EHMT1: variants seen among roughly 807,000 people sequenced by gnomAD.
EHMT1 encodes euchromatic histone lysine methyltransferase 1, also known as histone-lysine N-methyltransferase EHMT1.
Under a neutral mutation model 147.2 loss-of-function variants are expected in EHMT1, and 15 were observed. The observed-to-expected ratio is 0.10, with a 90% CI of 0.07 to 0.16. The LOEUF is 0.16. EHMT1 is among the 10% of genes least tolerant of loss of function. The pLI is 1.00. For synonymous variants in EHMT1, 795 were observed against 709.6 expected, an observed-to-expected ratio of 1.12 and a Z score of -1.91; for missense variants, 1,587 against 1,772.4, an observed-to-expected ratio of 0.90 and a Z score of 1.88.
At chr9:137,812,809 G>C (rs967309857) in intron 19 of EHMT1, among the ~76,000 whole-genome samples, 197 bp from the exon 20 acceptor site, 14 of 152,266 alleles carry the variant, frequency 9.2e-5, no homozygotes, top group African/African-American at 3.4e-4. Flanking sequence ...ATGTGGGAGA[G>C]GAGGAAGGGA....
chr9:137,739,226 C>T (rs574514791), intron 4 of EHMT1, among the ~76,000 whole-genome samples: 51 of 151,892 alleles, frequency 3.4e-4, no homozygotes, highest in African/African-American at 1.0e-3. Context: ...AAAAATTAGC[C>T]GGGCGTGGTG....
intron 25 of EHMT1, among the ~76,000 whole-genome samples, chr9:137,821,800 C>A (rs1283575093): frequency 6.6e-6 from 1 of 152,196 alleles, no homozygotes; most frequent in Non-Finnish European, 1.5e-5. Flanking sequence ...AGTTCATGAA[C>A]ATGGTATATC....
chr9:137,737,041 A>G (rs963122020), intron 4 of EHMT1, among the ~76,000 whole-genome samples: 1 of 152,100 alleles, frequency 6.6e-6, no homozygotes, highest in African/African-American at 2.4e-5. Context: ...TGTCTCTTAA[A>G]AAAAATACAA....
intron 25 of EHMT1, among the ~76,000 whole-genome samples, chr9:137,823,770 C>G (rs1406686464): frequency 6.6e-6 from 1 of 151,738 alleles, no homozygotes; most frequent in Non-Finnish European, 1.5e-5. Context: ...GTTGGCCAGG[C>G]TGGTCTCGAA....
chr9:137,818,438 G>A (rs1388891125), intron 25 of EHMT1, among the ~76,000 whole-genome samples: 1 of 151,234 alleles, frequency 6.6e-6, no homozygotes, highest in Non-Finnish European at 1.5e-5. Flanking sequence ...AGAATCTTGG[G>A]TTGGGGCTTG....
intron 1 of EHMT1, chr9:137,697,312 T>C (rs1943474471): frequency 5.2e-6 from 1 of 193,884 alleles, no homozygotes; most frequent in South Asian, 5.9e-5. Context: ...GAGTTTGAGA[T>C]CCATGTGCCT....
At position 137,711,064 on chromosome 9, in the gene EHMT1, C is replaced by T. The variant is rs370936805; in HGVS notation, c.85+34C>T. The T allele has an allele frequency of 4.1e-5, 64 of 1,562,616 alleles. No homozygotes were observed. The Middle Eastern group carries it at 6.7e-4, about 16-fold the overall frequency. On this transcript the variant is annotated intron_variant, in intron 2 of 26. Transcript: ENST00000460843. ...GGTGTGCACCGAGGGACAGGAGCAG[C>T]GCCTCCCTCCAGACTAGAAAACCTG...
intron 3 of EHMT1, among the ~76,000 whole-genome samples, chr9:137,723,718 T>C (rs1023233403): frequency 6.6e-6 from 1 of 152,258 alleles, no homozygotes; most frequent in African/African-American, 2.4e-5. Context: ...TGGTATTTTT[T>C]TAAAGCCACA....
chr9:137,816,487 G>T (rs906194592), intron 23 of EHMT1: 10 of 313,852 alleles, frequency 3.2e-5, no homozygotes, highest in Non-Finnish European at 5.6e-5. Context: ...CGCTTCTCAG[G>T]CTGCGTGGAC....
At chr9:137,743,049 G>C in intron 4 of EHMT1, 1 of 370,892 alleles carries the variant, frequency 2.7e-6, no homozygotes, top group South Asian at 2.3e-5. Flanking sequence ...CTGGGAGGAG[G>C]AGTCGCTTCA....
intron 1 of EHMT1, among the ~76,000 whole-genome samples, chr9:137,648,633 C>T (rs1407235195): frequency 6.6e-6 from 1 of 152,104 alleles, no homozygotes; most frequent in Admixed American, 6.6e-5. Context: ...CCAGGGCATT[C>T]GAGCACTTGG....
chr9:137,705,477 A>G (rs755720255), intron 1 of EHMT1, among the ~76,000 whole-genome samples: 26 of 152,212 alleles, frequency 1.7e-4, no homozygotes, highest in Admixed American at 1.0e-3. Context: ...GAATGTGTGC[A>G]TGCTTCGTGT....
At chr9:137,760,810 C>T (rs971314470) in intron 9 of EHMT1, among the ~76,000 whole-genome samples, 1 of 152,178 alleles carries the variant, frequency 6.6e-6, no homozygotes, top group Non-Finnish European at 1.5e-5. Context: ...GAGATCGAGA[C>T]CATCCTGGCT....
At chr9:137,646,559 G>A (rs1241034686) in intron 1 of EHMT1, 29 of 545,458 alleles carry the variant, frequency 5.3e-5, no homozygotes, top group African/African-American at 3.5e-4. Flanking sequence ...GCCCCCGAGC[G>A]TGTGGGCTGG....
intron 9 of EHMT1, 123 bp downstream of exon 9, chr9:137,758,134 A>G: frequency 1.5e-6 from 2 of 1,331,696 alleles, no homozygotes; most frequent in African/African-American, 1.5e-5. Context: ...TAACTGCATC[A>G]CTTCCAGCTG....
chr9:137,711,048 C>A lies in EHMT1; in HGVS notation c.85+18C>A. 1 of 1,581,078 alleles carries A rather than the reference C, an allele frequency of 6.3e-7. No homozygotes were observed. On this transcript the variant is annotated intron_variant, in intron 2 of 26. Coordinates refer to ENST00000460843, the MANE Select transcript of EHMT1 (RefSeq NM_024757.5). ...GGGAGAAGGTGAGGGCGGTGTGCAC[C>A]GAGGGACAGGAGCAGCGCCTCCCTC...
At chr9:137,669,333 C>T (rs1277749959) in intron 1 of EHMT1, among the ~76,000 whole-genome samples, 2 of 34,076 alleles carry the variant, frequency 5.9e-5, no homozygotes, top group East Asian at 2.2e-3. Flanking sequence ...CCCCACAGCA[C>T]GTGGACCCCA....
intron 18 of EHMT1, among the ~76,000 whole-genome samples, chr9:137,809,761 C>T (rs561490078): frequency 6.6e-6 from 1 of 152,368 alleles, no homozygotes; most frequent in South Asian, 2.1e-4. Flanking sequence ...CATTGTATTC[C>T]AGAAATATAC....
intron 4 of EHMT1, among the ~76,000 whole-genome samples, chr9:137,737,109 G>C (rs1168374714): frequency 1.3e-5 from 2 of 152,108 alleles, no homozygotes; most frequent in African/African-American, 4.8e-5. Context: ...GAGCCCCAGA[G>C]GCTGAGGTGG....
Sources: gnomAD v4.1 joint callset for allele counts (sites outside exome capture counted in the v4.1 genomes callset) on GRCh38, gnomAD v4.1.1 for gene constraint, MANE v1.5 for transcripts, NCBI Gene and HGNC (gene_info 2026-07-23, HGNC 2026-07-21) for gene names.